The following IREB2 variants were observed in gnomAD, a reference collection of about 807,000 sequenced individuals.
The protein encoded by IREB2 is iron-responsive element-binding protein 2.
IREB2 carries 39 observed loss-of-function variants against 118.8 expected under a neutral mutation model. That is an observed-to-expected ratio of 0.33 (90% CI 0.25 to 0.43). The LOEUF (loss-of-function observed/expected upper bound fraction) is 0.43. Ranked by LOEUF, IREB2 falls within the 20% of genes least tolerant of loss-of-function variation. The pLI is 1.00. For missense variants in IREB2, 900 were observed against 1,147.3 expected, an observed-to-expected ratio of 0.78 and a Z score of 3.11; for synonymous variants, 372 against 392.2, an observed-to-expected ratio of 0.95 and a Z score of 0.61.
intron 7 of IREB2, among the ~76,000 whole-genome samples, chr15:78,472,511 C>T (rs1273261532): frequency 6.6e-6 from 1 of 152,082 alleles, no homozygotes; most frequent in East Asian, 1.9e-4. Flanking sequence ...GGACTACAGG[C>T]ACGTGCCACC....
intron 11 of IREB2, among the ~76,000 whole-genome samples, chr15:78,483,667 T>A (rs1178901332): frequency 6.6e-6 from 1 of 152,226 alleles, no homozygotes; most frequent in Non-Finnish European, 1.5e-5. Context: ...ATTAAAATTA[T>A]ATACAATTTA....
intron 10 of IREB2, among the ~76,000 whole-genome samples, chr15:78,480,752 G>C (rs993487194): frequency 6.7e-6 from 1 of 148,786 alleles, no homozygotes; most frequent in Non-Finnish European, 1.5e-5. Context: ...CTAGCACTTT[G>C]GGAGGCCCGC....
At chr15:78,477,393 C>T (rs1199471296) in intron 9 of IREB2, among the ~76,000 whole-genome samples, 1 of 152,094 alleles carries the variant, frequency 6.6e-6, no homozygotes, top group East Asian at 1.9e-4. Context: ...GCCTGCAATC[C>T]TGAAGGCTTG....
chr15:78,444,150 T>C (rs2050890101), intron 2 of IREB2, among the ~76,000 whole-genome samples: 1 of 151,962 alleles, frequency 6.6e-6, no homozygotes, highest in Admixed American at 6.5e-5. Context: ...CTTGAACTCC[T>C]GAGCTCAGGA....
chr15:78,457,342 T>C (rs2051123127), intron 2 of IREB2, among the ~76,000 whole-genome samples: 1 of 152,180 alleles, frequency 6.6e-6, no homozygotes, highest in Non-Finnish European at 1.5e-5. Flanking sequence ...TGCTCTCTCT[T>C]TGTTTTGGAG....
At chr15:78,460,721 A>C (rs1380613249) in intron 2 of IREB2, among the ~76,000 whole-genome samples, 14 of 152,348 alleles carry the variant, frequency 9.2e-5, no homozygotes, top group Admixed American at 9.2e-4. Flanking sequence ...TCAGTGACAG[A>C]GCTAGAAAAT....
intron 20 of IREB2, among the ~76,000 whole-genome samples, chr15:78,495,653 A>G (rs2051827555): frequency 6.6e-6 from 1 of 152,204 alleles, no homozygotes; most frequent in African/African-American, 2.4e-5. Context: ...TTGTCAGTTT[A>G]GAGAATGTAT....
chr15:78,461,396 T>G (rs929954644), intron 2 of IREB2, among the ~76,000 whole-genome samples: 1 of 152,162 alleles, frequency 6.6e-6, no homozygotes, highest in African/African-American at 2.4e-5. Context: ...TTCCCTCTTC[T>G]ATCATTTCAG....
chr15:78,495,171 C>A (rs2051819927), intron 20 of IREB2, among the ~76,000 whole-genome samples: 1 of 152,148 alleles, frequency 6.6e-6, no homozygotes, highest in African/African-American at 2.4e-5. Context: ...AACACAGATA[C>A]CATGCAGGCC....
At chr15:78,489,906 A>C (rs1276982496) in intron 16 of IREB2, among the ~76,000 whole-genome samples, 5 of 152,224 alleles carry the variant, frequency 3.3e-5, no homozygotes, top group Non-Finnish European at 1.5e-5. Context: ...TAACATTCTT[A>C]GACATTAACA....
At chr15:78,483,887 C>G (rs772222499) in intron 11 of IREB2, among the ~76,000 whole-genome samples, 2 of 150,948 alleles carry the variant, frequency 1.3e-5, no homozygotes, top group Non-Finnish European at 2.9e-5. Flanking sequence ...CGGGCTCAAG[C>G]GATTCTCCTG....
At chr15:78,445,160 CAG>C (rs2050908924) in intron 2 of IREB2, among the ~76,000 whole-genome samples, 1 of 140,396 alleles carries the variant, frequency 7.1e-6, no homozygotes, top group Non-Finnish European at 1.5e-5. Flanking sequence ...TTTTTTGAGA[CAG>C]AGTCTTGCTG....
At chr15:78,450,158 T>C (rs531900480) in intron 2 of IREB2, among the ~76,000 whole-genome samples, 2 of 152,344 alleles carry the variant, frequency 1.3e-5, no homozygotes, top group South Asian at 4.1e-4. Context: ...AGATAGCATC[T>C]GTGCTAAAGA....
At chr15:78,448,364 C>T (rs1391847755) in intron 2 of IREB2, among the ~76,000 whole-genome samples, 2 of 152,074 alleles carry the variant, frequency 1.3e-5, no homozygotes, top group Non-Finnish European at 2.9e-5. Context: ...AGGCTGGTCT[C>T]GAGCTCCTGG....
At chr15:78,479,131 T>C (rs886585893) in intron 10 of IREB2, among the ~76,000 whole-genome samples, 3 of 152,014 alleles carry the variant, frequency 2.0e-5, no homozygotes, top group Admixed American at 1.3e-4. Context: ...TTATTATTTT[T>C]TGGACCCTGG....
intron 8 of IREB2, 139 bp downstream of exon 8, chr15:78,473,520 A>C: frequency 1.6e-6 from 1 of 637,828 alleles, no homozygotes; most frequent in Non-Finnish European, 2.7e-6. Flanking sequence ...CATAGTTATC[A>C]TAGTAATAAC....
chr15:78,462,353 GATTGAAAATTTTAAAAT>G (rs1329909772), intron 2 of IREB2, among the ~76,000 whole-genome samples: 1 of 152,186 alleles, frequency 6.6e-6, no homozygotes, highest in Non-Finnish European at 1.5e-5. Context: ...AATTTAATAT[GATTGAAAATTTTAAAAT>G]ATTGAAATCA....
At chr15:78,477,826 C>T (rs554543919) in intron 9 of IREB2, among the ~76,000 whole-genome samples, 41 of 152,112 alleles carry the variant, frequency 2.7e-4, no homozygotes, top group African/African-American at 8.7e-4. Flanking sequence ...GAGGCTAAGG[C>T]GGGAGAATCA....
intron 13 of IREB2, among the ~76,000 whole-genome samples, chr15:78,486,977 A>G (rs2051671784): frequency 6.6e-6 from 1 of 152,054 alleles, no homozygotes. Flanking sequence ...GCCTAGTTAT[A>G]TTTTCGGTGT....
Sources: allele counts gnomAD v4.1 joint callset (sites outside exome capture counted in the v4.1 genomes callset), GRCh38; gene constraint gnomAD v4.1.1; transcripts MANE v1.5; gene names NCBI Gene and HGNC (gene_info 2026-07-23, HGNC 2026-07-21).